MAST2: variants seen among roughly 807,000 people sequenced by gnomAD.
MAST2 encodes microtubule associated serine/threonine kinase 2.
Under a neutral mutation model 147.4 loss-of-function variants are expected in MAST2, and 70 were observed. That is an observed-to-expected ratio of 0.47 (90% CI 0.39 to 0.58). The LOEUF is 0.58. Ranked by LOEUF, MAST2 falls within the 20% of genes least tolerant of loss-of-function variation. MAST2 has a pLI of 0.00. For synonymous variants in MAST2, 869 were observed against 896.8 expected, an observed-to-expected ratio of 0.97 and a Z score of 0.55; for missense variants, 2,080 against 2,302.3, an observed-to-expected ratio of 0.90 and a Z score of 1.98.
intron 1 of MAST2, among the ~76,000 whole-genome samples, chr1:45,816,053 A>G (rs988215420): frequency 2.0e-5 from 3 of 152,132 alleles, no homozygotes; most frequent in Admixed American, 6.6e-5. Context: ...TTCCTTGTAG[A>G]CACACAGAGT....
At chr1:45,809,954 T>A (rs1396135849) in intron 1 of MAST2, among the ~76,000 whole-genome samples, 1 of 152,240 alleles carries the variant, frequency 6.6e-6, no homozygotes, top group East Asian at 1.9e-4. Context: ...GCTGAATAAA[T>A]ATTTGCTGAA....
At chr1:45,903,019 T>G (rs1168004912) in intron 4 of MAST2, among the ~76,000 whole-genome samples, 1 of 151,948 alleles carries the variant, frequency 6.6e-6, no homozygotes, top group Non-Finnish European at 1.5e-5. Flanking sequence ...TCAGCTAGAT[T>G]TGGGTTTGGC....
intron 1 of MAST2, among the ~76,000 whole-genome samples, chr1:45,810,419 C>T (rs1365243690): frequency 6.6e-6 from 1 of 152,124 alleles, no homozygotes; most frequent in East Asian, 1.9e-4. Flanking sequence ...GAACTATAAT[C>T]GGTTTGTTAT....
chr1:46,008,129 C>T (rs1048529800), intron 8 of MAST2, among the ~76,000 whole-genome samples, 167 bp from the exon 9 acceptor site: 1 of 152,066 alleles, frequency 6.6e-6, no homozygotes, highest in Non-Finnish European at 1.5e-5. Context: ...GAACAAGGTA[C>T]ACTGGAAACT....
At chr1:45,916,636 C>A (rs1652570971) in intron 4 of MAST2, among the ~76,000 whole-genome samples, 1 of 152,058 alleles carries the variant, frequency 6.6e-6, no homozygotes, top group East Asian at 1.9e-4. Context: ...TTGATATAAT[C>A]AATAATTTAT....
intron 5 of MAST2, among the ~76,000 whole-genome samples, chr1:45,994,298 T>TTTTTTTTTG (rs1644966368): frequency 1.4e-5 from 2 of 144,918 alleles, no homozygotes; most frequent in East Asian, 4.0e-4. Context: ...TTTTTTTTTT[T>TTTTTTTTTG]TGAGAAGGAG....
intron 4 of MAST2, among the ~76,000 whole-genome samples, chr1:45,941,124 C>A (rs1260875956): frequency 1.3e-5 from 2 of 152,120 alleles, no homozygotes; most frequent in Non-Finnish European, 2.9e-5. Context: ...GAGTGCTTTT[C>A]TTTTCCTCTT....
chr1:45,984,678 C>G (rs540298168), intron 5 of MAST2, among the ~76,000 whole-genome samples: 3 of 152,150 alleles, frequency 2.0e-5, no homozygotes, highest in Admixed American at 1.3e-4. Context: ...GGGTTTAGAC[C>G]TAAGATTTTT....
intron 1 of MAST2, among the ~76,000 whole-genome samples, chr1:45,821,857 C>A (rs1644642238): frequency 6.7e-6 from 1 of 149,528 alleles, no homozygotes; most frequent in South Asian, 2.1e-4. Flanking sequence ...TCTAGAATTC[C>A]CATATTCATA....
Position 46,023,543 on chromosome 1 carries a change from A to G in MAST2, c.1571+225A>G. On this transcript the variant is annotated intron_variant, in intron 14 of 28. Transcript: ENST00000361297. This position sits in a 1 kb window ranked among gnomAD's most constrained non-coding sequence, Gnocchi z 4.9. ...CGCCTCTTACTACCACGCATCCTCCATTCCCTGAGCTCTGGGGAAGCATTG... is the reference window on the plus strand; with the variant it reads ...CGCCTCTTACTACCACGCATCCTCCGTTCCCTGAGCTCTGGGGAAGCATTG... 1.6e-6 allele frequency: 1 copy of G among 618,908 alleles called. No individual in the cohort carries two copies. Among genetic ancestry groups the G allele is most frequent in the Non-Finnish European group, 2.9e-6 (1 of 348,536 alleles). 38.3% of individuals were successfully genotyped at this position (618,908 alleles called of 1,614,324 possible).
chr1:45,888,878 C>T (rs1016467587), intron 4 of MAST2, among the ~76,000 whole-genome samples: 3 of 150,996 alleles, frequency 2.0e-5, no homozygotes, highest in African/African-American at 4.9e-5. Context: ...GACGGGGTTT[C>T]ACCACGTTAG....
chr1:45,985,384 G>A (rs571250319), intron 5 of MAST2, among the ~76,000 whole-genome samples: 71 of 152,162 alleles, frequency 4.7e-4, no homozygotes, highest in Non-Finnish European at 8.5e-4. Context: ...GTGAGCCACC[G>A]CACCCAGCCA....
intron 5 of MAST2, among the ~76,000 whole-genome samples, chr1:45,988,427 C>A (rs1644733193): frequency 6.6e-6 from 1 of 152,164 alleles, no homozygotes; most frequent in African/African-American, 2.4e-5. Flanking sequence ...ATTTCTAATT[C>A]TATTTCATTG....
At chr1:45,929,759 G>T (rs1654979391) in intron 4 of MAST2, among the ~76,000 whole-genome samples, 1 of 152,058 alleles carries the variant, frequency 6.6e-6, no homozygotes, top group Non-Finnish European at 1.5e-5. Flanking sequence ...AATTTTCATG[G>T]CTTTGTTTGT....
Position 46,035,885 on chromosome 1 carries a change from C to T in MAST2, c.5216C>T (p.Pro1739Leu). 6.2e-7 allele frequency: 1 copy of T among 1,614,070 alleles called. No homozygotes were observed. The highest frequency in any genetic ancestry group is 8.5e-7 in the Non-Finnish European group (1 of 1,180,020). ...TGTGCACAAGCAGTGAAAGAGGATC[C>T]AGCCCTGAGCATCACCCAAGTGCCT... is the stretch of plus-strand genomic sequence containing the variant. Reference protein sequence around the residue: ...SECAQAVKEDPALSITQVPDA... With the variant: ...SECAQAVKEDLALSITQVPDA... Residue 1739 changes from proline (P) to leucine (L), a missense_variant, in exon 29 of 29, where the codon CCA becomes CTA. Pro to Leu is a moderately conservative substitution (Grantham distance 98, BLOSUM62 -3). This residue lies in a region of MAST2 where 1,278 missense variants were observed against 1,304.2 expected (regional missense o/e 0.98). Transcript: ENST00000361297. The surrounding 1 kb of genome is among the most constrained non-coding windows in gnomAD (Gnocchi z 5.5).
At position 45,804,151 on chromosome 1, in the gene MAST2, C is replaced by T. The variant is rs1434993263; in HGVS notation, c.177+79C>T. On this transcript the variant is annotated intron_variant, in intron 1 of 28. Transcript: ENST00000361297. ...GGGATCTTCGGCGGGAGGACCCGGG[C>T]TGGAGCTTTGGAGGGGTGGGGTCTG... 4 of 1,248,530 alleles carry T rather than the reference C, an allele frequency of 3.2e-6. No individual in the cohort carries two copies. The East Asian group carries it at 1.3e-4, about 41-fold the overall frequency. The allele number at this position is 1,248,530 out of a possible 1,614,324, so 77.3% of individuals were successfully genotyped here.
intron 4 of MAST2, among the ~76,000 whole-genome samples, chr1:45,934,240 G>T (rs1221667887): frequency 6.6e-6 from 1 of 152,140 alleles, no homozygotes; most frequent in Non-Finnish European, 1.5e-5. Context: ...TTGCTGTAAA[G>T]AACATAATTT....
intron 8 of MAST2, chr1:46,006,611 AGT>A: frequency 1.1e-5 from 4 of 361,606 alleles, no homozygotes; most frequent in African/African-American, 6.3e-5. Context: ...AAAAAAAAAA[AGT>A]AGCAGGCCAT....
At chr1:45,989,990 A>G (rs576097858) in intron 5 of MAST2, among the ~76,000 whole-genome samples, 2 of 152,366 alleles carry the variant, frequency 1.3e-5, no homozygotes, top group South Asian at 4.1e-4. Context: ...ATTGAAGGAC[A>G]TCTTGGTTGC....
Sources: gnomAD v4.1 joint callset for allele counts (sites outside exome capture counted in the v4.1 genomes callset) on GRCh38, gnomAD v4.1.1 for gene constraint, gnomAD v4.1.1 regional missense constraint, Gnocchi (gnomAD v3.1) non-coding constraint, MANE v1.5 for transcripts, NCBI Gene and HGNC (gene_info 2026-07-23, HGNC 2026-07-21) for gene names.